The following CCDC85C variants were observed in gnomAD, a reference collection of about 807,000 sequenced individuals.
The protein encoded by CCDC85C is coiled-coil domain containing 85C.
Under a neutral mutation model 38.3 loss-of-function variants are expected in CCDC85C, and 18 were observed. That is an observed-to-expected ratio of 0.47 (90% CI 0.33 to 0.70). The LOEUF is 0.70. CCDC85C is among the 30% of genes least tolerant of loss of function. The probability of loss-of-function intolerance (pLI) is 0.03; values close to 1 mark genes in which losing one functional copy is unlikely to be tolerated. For synonymous variants in CCDC85C, 264 were observed against 293.8 expected, an observed-to-expected ratio of 0.90 and a Z score of 1.04; for missense variants, 566 against 621.2, an observed-to-expected ratio of 0.91 and a Z score of 0.94.
rs982355002 is a variant in CCDC85C at position 99,548,471 on chromosome 14, G to A, written c.794-12383C>T. ...AGCGGATCAGAGAGCAGCCTGGCGC[G>A]GTTTCCTGCAGCTGAAGATGCTCAC... On this transcript the variant is annotated intron_variant, in intron 1 of 5. Coordinates refer to ENST00000380243, the MANE Select transcript of CCDC85C (RefSeq NM_001144995.2). The surrounding 1 kb of genome is among the most constrained non-coding windows in gnomAD (Gnocchi z 4.9). Among the ~76,000 whole-genome samples, 17 of 151,930 alleles carry A rather than the reference G, an allele frequency of 1.1e-4. No individual in the cohort carries two copies. Among genetic ancestry groups the A allele is most frequent in the African/African-American group, 2.4e-4 (10 of 41,316 alleles).
At chr14:99,591,100 C>T (rs929205523) in intron 1 of CCDC85C, among the ~76,000 whole-genome samples, 3 of 152,234 alleles carry the variant, frequency 2.0e-5, no homozygotes, top group African/African-American at 7.2e-5. Context: ...GGGCAGTCTG[C>T]AGCCTCCCTG....
intron 1 of CCDC85C, among the ~76,000 whole-genome samples, chr14:99,546,334 C>A (rs1241789732): frequency 6.6e-6 from 1 of 152,022 alleles, no homozygotes; most frequent in Non-Finnish European, 1.5e-5. Context: ...GACATCTCAG[C>A]CACATGCAGA....
chr14:99,550,698 G>A (rs1897890900), intron 1 of CCDC85C, among the ~76,000 whole-genome samples: 1 of 152,208 alleles, frequency 6.6e-6, no homozygotes, highest in African/African-American at 2.4e-5. Context: ...CATAGGACCT[G>A]GACTTAGCAG....
chr14:99,585,778 G>A (rs1037852768), intron 1 of CCDC85C, among the ~76,000 whole-genome samples: 2 of 152,086 alleles, frequency 1.3e-5, no homozygotes, highest in African/African-American at 2.4e-5. Flanking sequence ...ACAGACCCTC[G>A]GGGCACCAGC....
rs1236723417 is a variant in CCDC85C at position 99,588,675 on chromosome 14, T to TC, written c.793+14491dup. Reference sequence around the variant, plus strand: ...CCTTTCTGGTCTGGGGTCAGGTCATTCCCCCACCCGTATAAGCACTTGGAA... The same window carrying TC: ...CCTTTCTGGTCTGGGGTCAGGTCATTCCCCCCACCCGTATAAGCACTTGGAA... On this transcript the variant is annotated intron_variant, in intron 1 of 5. Coordinates refer to ENST00000380243, the MANE Select transcript of CCDC85C (RefSeq NM_001144995.2). The surrounding 1 kb of genome is among the most constrained non-coding windows in gnomAD (Gnocchi z 5.0). Among the ~76,000 whole-genome samples the TC allele has an allele frequency of 1.3e-5, 2 of 151,662 alleles. No individual in the cohort carries two copies. The highest frequency in any genetic ancestry group is 1.5e-5 in the Non-Finnish European group (1 of 67,956).
intron 3 of CCDC85C, among the ~76,000 whole-genome samples, chr14:99,519,831 C>T (rs565106646): frequency 3.9e-5 from 6 of 152,162 alleles, no homozygotes; most frequent in Admixed American, 6.5e-5. Context: ...TCCATTTATA[C>T]GAAATATCCA....
At chr14:99,563,597 G>A (rs1289678374) in intron 1 of CCDC85C, among the ~76,000 whole-genome samples, 1 of 152,250 alleles carries the variant, frequency 6.6e-6, no homozygotes, top group Non-Finnish European at 1.5e-5. Flanking sequence ...AAGATATAGG[G>A]AGGAAATGGG....
chr14:99,530,331 C>T (rs1369367146), intron 2 of CCDC85C, among the ~76,000 whole-genome samples: 1 of 152,228 alleles, frequency 6.6e-6, no homozygotes, highest in Middle Eastern at 3.2e-3. Context: ...GACCCAAAGA[C>T]TACACTGCCT....
Position 99,603,553 on chromosome 14 carries a change from G to T in CCDC85C, c.407C>A (p.Ala136Asp). 7.2e-7 allele frequency: 1 copy of T among 1,392,116 alleles called. No individual in the cohort carries two copies. 86.2% of individuals were successfully genotyped at this position (1,392,116 alleles called of 1,614,324 possible). A position where few individuals can be genotyped will look rare whatever the true frequency, so the allele number is the denominator to read the frequency against. ...KLRELEARQE[A>D]LLRENLELKE... Reference sequence around the variant, plus strand: ...GAGCTCCAGGTTCTCGCGCAGCAGGGCCTCCTGGCGCGCCTCGAGCTCGCG... The same window carrying T: ...GAGCTCCAGGTTCTCGCGCAGCAGGTCCTCCTGGCGCGCCTCGAGCTCGCG... The change falls in exon 1 of 6, where the codon GCC (alanine) becomes GAC (aspartate). Residue 136 changes from alanine to aspartate, a missense_variant. Ala to Asp is a moderately radical substitution (Grantham distance 126, BLOSUM62 -2). Around this residue, in one of 3 missense-constraint regions of CCDC85C, gnomAD observed 269 missense variants for 308.2 expected, o/e 0.87. Transcript: ENST00000380243. The surrounding 1 kb of genome is among the most constrained non-coding windows in gnomAD (Gnocchi z 7.5).
At chr14:99,518,689 C>A (rs899865911) in intron 3 of CCDC85C, among the ~76,000 whole-genome samples, 3 of 152,156 alleles carry the variant, frequency 2.0e-5, no homozygotes, top group African/African-American at 7.2e-5. Flanking sequence ...ATGTGCCAGC[C>A]GGCCCCTGGC....
chr14:99,583,379 C>T (rs1339645557), intron 1 of CCDC85C, among the ~76,000 whole-genome samples: 1 of 151,928 alleles, frequency 6.6e-6, no homozygotes, highest in Non-Finnish European at 1.5e-5. Context: ...TGGCACATGC[C>T]TGTAATCCCA....
intron 2 of CCDC85C, chr14:99,534,616 A>G (rs745992743): frequency 1.4e-6 from 1 of 702,276 alleles, no homozygotes; most frequent in African/African-American, 1.7e-5. Context: ...TCTCCAAAGC[A>G]AAGGTCCCTA....
chr14:99,559,213 AG>A (rs199926067), intron 1 of CCDC85C, among the ~76,000 whole-genome samples: 1 of 99,086 alleles, frequency 1.0e-5, no homozygotes, highest in Non-Finnish European at 2.1e-5. Flanking sequence ...CGAATACAGG[AG>A]TCCCCCCGAG....
chr14:99,542,392 C>T (rs1267532929), intron 1 of CCDC85C, among the ~76,000 whole-genome samples: 2 of 152,174 alleles, frequency 1.3e-5, no homozygotes, highest in Admixed American at 6.5e-5. Context: ...GGGACACGGA[C>T]GGAGATGCAG....
At chr14:99,583,729 A>G (rs2054998611) in intron 1 of CCDC85C, among the ~76,000 whole-genome samples, 1 of 151,558 alleles carries the variant, frequency 6.6e-6, no homozygotes, top group Non-Finnish European at 1.5e-5. Flanking sequence ...AATCACTTGA[A>G]CCTGGGAGGC....
intron 2 of CCDC85C, chr14:99,534,924 C>G: frequency 2.0e-5 from 11 of 541,752 alleles, no homozygotes; most frequent in Non-Finnish European, 3.7e-5. Context: ...GAGTGGGGGG[C>G]GGGGTGTGGA....
chr14:99,599,287 G>T (rs1020673962), intron 1 of CCDC85C, among the ~76,000 whole-genome samples: 3 of 152,126 alleles, frequency 2.0e-5, no homozygotes. Context: ...GCACAGGCTT[G>T]CTAGAATCCT....
intron 1 of CCDC85C, among the ~76,000 whole-genome samples, chr14:99,580,733 C>T (rs188984245): frequency 2.0e-4 from 31 of 152,128 alleles, no homozygotes; most frequent in African/African-American, 6.0e-4. Context: ...GGCATGGTGG[C>T]GGGCACCTAT....
chr14:99,527,060 A>C (rs181799603), intron 2 of CCDC85C, among the ~76,000 whole-genome samples: 172 of 152,310 alleles, frequency 1.1e-3, no homozygotes, highest in African/African-American at 3.8e-3. Flanking sequence ...TGTGCAGCGT[A>C]GCACAGAGGC....
Sources: allele counts gnomAD v4.1 joint callset (sites outside exome capture counted in the v4.1 genomes callset), GRCh38; gene constraint gnomAD v4.1.1; regional missense constraint gnomAD v4.1.1; non-coding constraint Gnocchi (gnomAD v3.1); transcripts MANE v1.5; gene names NCBI Gene and HGNC (gene_info 2026-07-23, HGNC 2026-07-21).